The following EPM2A variants were observed in gnomAD, a reference collection of about 807,000 sequenced individuals.
EPM2A encodes the protein EPM2A glucan phosphatase, laforin.
In EPM2A, 21 loss-of-function variants were observed where a neutral mutation model predicts 26.5. The observed-to-expected ratio is 0.79, with a 90% confidence interval of 0.56 to 1.14. The LOEUF (loss-of-function observed/expected upper bound fraction) is 1.14. EPM2A is among the 50% of genes most tolerant of loss of function. EPM2A has a pLI of 0.00. For missense variants in EPM2A, 458 were observed against 440.8 expected, an observed-to-expected ratio of 1.04 and a Z score of -0.35; for synonymous variants, 217 against 177.6, an observed-to-expected ratio of 1.22 and a Z score of -1.76.
intron 2 of EPM2A, among the ~76,000 whole-genome samples, chr6:145,604,866 A>ATATTACC (rs1329793017): frequency 6.6e-6 from 1 of 152,186 alleles, no homozygotes; most frequent in East Asian, 1.9e-4. Flanking sequence ...AGAATAAAGC[A>ATATTACC]TATTACCTCT....
At chr6:145,450,967 G>T (rs1779188660) in intron 4 of EPM2A, among the ~76,000 whole-genome samples, 1 of 151,782 alleles carries the variant, frequency 6.6e-6, no homozygotes, top group African/African-American at 2.4e-5. Flanking sequence ...TTACCTGAAA[G>T]AAAAACTGAA....
At chr6:145,647,922 C>A (rs1308953508) in intron 2 of EPM2A, among the ~76,000 whole-genome samples, 1 of 152,188 alleles carries the variant, frequency 6.6e-6, no homozygotes, top group Non-Finnish European at 1.5e-5. Context: ...TAACAATTTT[C>A]TCTGCAGACA....
At chr6:145,557,992 A>G (rs937355054) in intron 2 of EPM2A, among the ~76,000 whole-genome samples, 2 of 152,080 alleles carry the variant, frequency 1.3e-5, no homozygotes, top group African/African-American at 4.8e-5. Context: ...CAATGTTTTC[A>G]GATTCCACAT....
intron 2 of EPM2A, among the ~76,000 whole-genome samples, chr6:145,529,849 A>C (rs1023434125): frequency 6.6e-6 from 1 of 152,198 alleles, no homozygotes; most frequent in East Asian, 1.9e-4. Context: ...TCTACATTAA[A>C]TTTACATGAA....
chr6:145,668,160 A>G (rs924782155), intron 2 of EPM2A, among the ~76,000 whole-genome samples: 1 of 121,232 alleles, frequency 8.2e-6, no homozygotes, highest in Non-Finnish European at 2.0e-5. Context: ...AACTTAAAGT[A>G]TAATAAAAAA....
chr6:145,438,073 C>T (rs1779011807), intron 4 of EPM2A, among the ~76,000 whole-genome samples: 2 of 152,084 alleles, frequency 1.3e-5, no homozygotes. Flanking sequence ...TACCTCTTTT[C>T]AGGTGGTGTA....
At chr6:145,689,411 T>C (rs1446080154) in intron 1 of EPM2A, among the ~76,000 whole-genome samples, 1 of 152,122 alleles carries the variant, frequency 6.6e-6, no homozygotes, top group Non-Finnish European at 1.5e-5. Flanking sequence ...AAATTATAAA[T>C]AAACAAACAT....
intron 2 of EPM2A, among the ~76,000 whole-genome samples, chr6:145,662,319 T>C (rs2128589008): frequency 6.6e-6 from 1 of 152,370 alleles, no homozygotes; most frequent in East Asian, 1.9e-4. Flanking sequence ...TAACAAATGA[T>C]CATTTTTCTA....
In EPM2A at chr6:145,620,108, TTA is replaced by T. The variant is rs1187926255; in HGVS notation, c.340+15135_340+15136del. On this transcript the variant is annotated intron_variant, in intron 2 of 3. Coordinates refer to the EPM2A transcript ENST00000450221. ...ATGGGTGTAAAATCTCTGAAATTGT[TTA>T]GACCAGTGGTCCCCAACCTTTTTGG... 3.3e-5 allele frequency among the ~76,000 whole-genome samples: 5 copies of T among 152,282 alleles called. No individual in the cohort carries two copies. The East Asian group carries it at 7.7e-4, about 24-fold the overall frequency.
At chr6:145,700,653 T>A (rs1781862334) in intron 1 of EPM2A, among the ~76,000 whole-genome samples, 1 of 152,168 alleles carries the variant, frequency 6.6e-6, no homozygotes, top group Non-Finnish European at 1.5e-5. Context: ...TGTCCAACAT[T>A]TAGTTGCAGA....
At chr6:145,454,103 T>C (rs781360803) in intron 4 of EPM2A, among the ~76,000 whole-genome samples, 20 of 152,186 alleles carry the variant, frequency 1.3e-4, no homozygotes, top group Non-Finnish European at 2.9e-4. Context: ...ATCAAATTGG[T>C]CTTCTATGAA....
chr6:145,500,115 T>C (rs1435762395), downstream of EPM2A, among the ~76,000 whole-genome samples: 2 of 152,224 alleles, frequency 1.3e-5, no homozygotes, highest in Non-Finnish European at 2.9e-5. Context: ...TTTATGTAAT[T>C]AGAGCTGGGT....
chr6:145,673,578 T>C (rs553623490), intron 2 of EPM2A, among the ~76,000 whole-genome samples: 1 of 152,346 alleles, frequency 6.6e-6, no homozygotes, highest in Admixed American at 6.5e-5. Context: ...ACTCAAATAC[T>C]GCACTTTTCC....
chr6:145,601,881 A>C (rs1282046702), intron 2 of EPM2A, among the ~76,000 whole-genome samples: 2 of 152,226 alleles, frequency 1.3e-5, no homozygotes, highest in Admixed American at 1.3e-4. Flanking sequence ...TCTTTTAAGA[A>C]AAAGAATACA....
At position 145,404,501 on chromosome 6, in the gene EPM2A, A is replaced by C. The variant is rs1778540368; in HGVS notation, c.556-20404T>G. On this transcript the variant is annotated intron_variant, in intron 4 of 4. Transcript: ENST00000638717. ...TAAGGGCATATACCCTGAAAAATTC[A>C]AATTGAAGCTCGCCCTTCATTCAAT... Among the ~76,000 whole-genome samples, 4 of 152,050 alleles carry C rather than the reference A, an allele frequency of 2.6e-5. No individual in the cohort carries two copies. In the South Asian group the frequency reaches 8.3e-4, roughly 31 times the overall value.
At chr6:145,708,706 A>G (rs1782367316) in intron 1 of EPM2A, among the ~76,000 whole-genome samples, 2 of 152,240 alleles carry the variant, frequency 1.3e-5, no homozygotes, top group Non-Finnish European at 2.9e-5. Context: ...AGGGCAGTGC[A>G]GAAGAAAAAT....
At chr6:145,702,733 T>C (rs938530810) in intron 1 of EPM2A, among the ~76,000 whole-genome samples, 7 of 152,160 alleles carry the variant, frequency 4.6e-5, no homozygotes, top group Admixed American at 2.0e-4. Context: ...CCTATATGTA[T>C]CAAGACAAGA....
intron 1 of EPM2A, among the ~76,000 whole-genome samples, chr6:145,698,755 T>C (rs879428578): frequency 6.6e-6 from 1 of 152,120 alleles, no homozygotes; most frequent in Admixed American, 6.6e-5. Flanking sequence ...CCTCCCAATG[T>C]GATTATATTT....
chr6:145,551,164 T>G (rs994056527), intron 2 of EPM2A, among the ~76,000 whole-genome samples: 4 of 152,064 alleles, frequency 2.6e-5, no homozygotes, highest in African/African-American at 9.7e-5. Context: ...TTATATACCT[T>G]GAATGGCTTT....
Sources: allele counts gnomAD v4.1 joint callset (sites outside exome capture counted in the v4.1 genomes callset), GRCh38; gene constraint gnomAD v4.1.1; transcripts MANE v1.5; gene names NCBI Gene and HGNC (gene_info 2026-07-23, HGNC 2026-07-21).